The following PMFBP1 variants were observed in gnomAD, a reference collection of about 807,000 sequenced individuals.
PMFBP1 encodes the protein polyamine-modulated factor 1-binding protein 1.
A neutral mutation model predicts 137.8 loss-of-function variants in PMFBP1; 131 were observed. That is an observed-to-expected ratio of 0.95 (90% CI 0.82 to 1.10). The LOEUF (loss-of-function observed/expected upper bound fraction) is 1.10, where lower values mean the gene tolerates loss of function less well. PMFBP1 is among the 50% of genes least tolerant of loss of function. PMFBP1 has a pLI of 0.00. For missense variants in PMFBP1, 1,199 were observed against 1,175.4 expected (o/e 1.02, Z -0.29); for synonymous variants, 490 against 450.4 (o/e 1.09, Z -1.11).
chr16:72,224,389 G>A, the PMFBP1 span, among the ~76,000 whole-genome samples: 1 of 152,096 alleles, frequency 6.6e-6, no homozygotes, highest in Non-Finnish European at 1.5e-5. Context: ...TGACTTCTGT[G>A]CCCCAAGACT....
At chr16:72,220,153 T>A in the PMFBP1 span, among the ~76,000 whole-genome samples, 3 of 152,218 alleles carry the variant, frequency 2.0e-5, no homozygotes, top group Non-Finnish European at 4.4e-5. Context: ...TAAAAAGAAT[T>A]ATACTCTTTA....
At chr16:72,185,260 G>A in the PMFBP1 span, among the ~76,000 whole-genome samples, 2 of 152,052 alleles carry the variant, frequency 1.3e-5, no homozygotes, top group Admixed American at 1.3e-4. Context: ...CTGACTTCAA[G>A]TGATCCACCC....
intron 5 of PMFBP1, among the ~76,000 whole-genome samples, chr16:72,144,426 C>T (rs1451293720): frequency 1.3e-5 from 2 of 152,230 alleles, no homozygotes; most frequent in East Asian, 3.9e-4. Context: ...GGCACACGAA[C>T]TGGCAGAAAG....
At chr16:72,231,697 G>T in the PMFBP1 span, among the ~76,000 whole-genome samples, 1 of 151,942 alleles carries the variant, frequency 6.6e-6, no homozygotes, top group Admixed American at 6.6e-5. Flanking sequence ...AAAATACAAG[G>T]CCTGTATTTA....
At chr16:72,165,690 T>A (rs978554365) in intron 2 of PMFBP1, among the ~76,000 whole-genome samples, 24 of 152,080 alleles carry the variant, frequency 1.6e-4, no homozygotes, top group Non-Finnish European at 3.2e-4. Context: ...AGTGCTGGGA[T>A]TACAGGCATG....
chr16:72,213,647 AG>A, the PMFBP1 span, among the ~76,000 whole-genome samples: 2 of 152,212 alleles, frequency 1.3e-5, no homozygotes, highest in African/African-American at 4.8e-5. Flanking sequence ...AGCTAATCCA[AG>A]TCTGGTTATT....
At chr16:72,147,415 T>A (rs912158454) in intron 5 of PMFBP1, among the ~76,000 whole-genome samples, 1 of 151,970 alleles carries the variant, frequency 6.6e-6, no homozygotes, top group Non-Finnish European at 1.5e-5. Context: ...TAAAACCATA[T>A]AAACCCTAGA....
chr16:72,246,989 A>G, the PMFBP1 span, among the ~76,000 whole-genome samples: 8 of 152,176 alleles, frequency 5.3e-5, no homozygotes, highest in Admixed American at 2.6e-4. Flanking sequence ...TTCACAAGCA[A>G]AATGCTCTGA....
chr16:72,122,854 C>T (rs772403004), intron 19 of PMFBP1, 60 bp downstream of exon 19: 40 of 1,513,544 alleles, frequency 2.6e-5, no homozygotes, highest in Non-Finnish European at 3.4e-5. Context: ...AGCCCTGGCT[C>T]CCTGCTGACC....
intron 10 of PMFBP1, among the ~76,000 whole-genome samples, chr16:72,131,645 G>A (rs2042550968): frequency 6.6e-6 from 1 of 152,116 alleles, no homozygotes; most frequent in African/African-American, 2.4e-5. Context: ...TACAGTCAGA[G>A]CAGGAGAGAA....
intron 10 of PMFBP1, 151 bp downstream of exon 10, chr16:72,132,597 T>G: frequency 1.6e-5 from 20 of 1,258,796 alleles, no homozygotes; most frequent in Non-Finnish European, 2.1e-5. Context: ...GCCACTGCTG[T>G]GAGGTATAGG....
chr16:72,210,965 C>G, the PMFBP1 span, among the ~76,000 whole-genome samples: 739 of 152,248 alleles, frequency 4.9e-3, 12 homozygotes, highest in African/African-American at 0.017. Flanking sequence ...GAAATAGTCC[C>G]CTGCCAAGTG....
intron 3 of PMFBP1, among the ~76,000 whole-genome samples, chr16:72,157,876 A>T (rs2043006144): frequency 6.6e-6 from 1 of 152,206 alleles, no homozygotes; most frequent in South Asian, 2.1e-4. Flanking sequence ...GTATCTTGAA[A>T]TGACAGGACA....
the PMFBP1 span, among the ~76,000 whole-genome samples, chr16:72,222,151 T>A: frequency 1.3e-5 from 2 of 152,084 alleles, no homozygotes; most frequent in Admixed American, 1.3e-4. Context: ...TTGGTTGGGT[T>A]TTTTTGAGTC....
chr16:72,181,395 T>G (rs541889279), upstream of PMFBP1, among the ~76,000 whole-genome samples: 34 of 152,316 alleles, frequency 2.2e-4, no homozygotes, highest in African/African-American at 8.2e-4. Flanking sequence ...TTATTTTTAC[T>G]TTTAAAAAAG....
chr16:72,196,620 G>C, the PMFBP1 span, among the ~76,000 whole-genome samples: 1 of 152,204 alleles, frequency 6.6e-6, no homozygotes, highest in African/African-American at 2.4e-5. Context: ...TGGTTAATCT[G>C]AGTTGAAGAA....
chr16:72,136,499 C>G lies in PMFBP1; in HGVS notation c.1152G>C (p.Glu384Asp). The change falls in exon 9 of 21, where the codon GAG becomes GAC. Residue 384 changes from glutamate (E) to aspartate (D), a missense_variant. Glu to Asp is a conservative substitution (Grantham distance 45). Transcript: ENST00000237353. ...DITILQCRLQ[E>D]LQLEFTETQK... ...GGGTCTCGGTGAACTCCAGCTGCAG[C>G]TCCTGCAGCCGGCACTGCAGGATGG... 18 of 1,613,938 alleles carry G rather than the reference C, an allele frequency of 1.1e-5. No individual in the cohort carries two copies. Among genetic ancestry groups the G allele is most frequent in the Non-Finnish European group, 1.5e-5 (18 of 1,179,932 alleles).
At chr16:72,228,831 A>C in the PMFBP1 span, among the ~76,000 whole-genome samples, 1 of 143,146 alleles carries the variant, frequency 7.0e-6, no homozygotes, top group Non-Finnish European at 1.5e-5. Context: ...TACTCTTTAT[A>C]TATTACTTTT....
At chr16:72,154,085 T>C (rs1284484448) in intron 4 of PMFBP1, 126 bp downstream of exon 4, 11 of 1,293,566 alleles carry the variant, frequency 8.5e-6, no homozygotes, top group Non-Finnish European at 1.2e-5. Context: ...AGGGGGAAGG[T>C]TTATAAAACC....
Sources: allele counts gnomAD v4.1 joint callset (sites outside exome capture counted in the v4.1 genomes callset), GRCh38; gene constraint gnomAD v4.1.1; transcripts MANE v1.5; gene names NCBI Gene and HGNC (gene_info 2026-07-23, HGNC 2026-07-21).